Variants in LIPH observed in about 807,000 individuals in gnomAD.
The protein encoded by LIPH is lipase H, also known as lipase member H.
Under a neutral mutation model 47.6 loss-of-function variants are expected in LIPH, and 32 were observed. That is an observed-to-expected ratio of 0.67 (90% CI 0.51 to 0.90). LIPH has a LOEUF of 0.90. LIPH is among the 40% of genes least tolerant of loss of function. The pLI is 0.00. For synonymous variants in LIPH, 190 were observed against 195.6 expected (o/e 0.97, Z 0.24); for missense variants, 497 against 541.4 (o/e 0.92, Z 0.81).
At chr3:185,527,126 A>C (rs1719648) in intron 4 of LIPH, among the ~76,000 whole-genome samples, 152,237 of 152,244 alleles carry the variant, frequency 1, 76,115 homozygotes, top group Middle Eastern at 1. Context: ...ATAATCCCAG[A>C]TACTCGGGAG....
At chr3:185,512,354 A>G (rs777376833) in intron 8 of LIPH, among the ~76,000 whole-genome samples, 64 of 152,296 alleles carry the variant, frequency 4.2e-4, no homozygotes, top group African/African-American at 1.1e-3. Flanking sequence ...GATGTTTTCT[A>G]TAGGTGGAAA....
At position 185,512,188 on chromosome 3, in the gene LIPH, C is replaced by T. The variant is rs182395863; in HGVS notation, c.1095-491G>A. ...GCTGAGTTCAAAGTTATGATCTTTC[C>T]GTTAAACTGCATCCCTAGATGCCTA... On this transcript the variant is annotated intron_variant, in intron 8 of 9. Coordinates refer to ENST00000296252, the MANE Select transcript of LIPH (RefSeq NM_139248.3). 1.3e-3 allele frequency among the ~76,000 whole-genome samples: 199 copies of T among 152,222 alleles called. 1 individual carries two copies. Among genetic ancestry groups the T allele is most frequent in the African/African-American group, 4.1e-3 (170 of 41,530 alleles).
chr3:185,519,809 C>A (rs1409634013), intron 5 of LIPH, among the ~76,000 whole-genome samples: 1 of 128,466 alleles, frequency 7.8e-6, no homozygotes. Context: ...TGCACTCCAG[C>A]CTGGGCAACA....
At chr3:185,516,263 T>C (rs942551134) in intron 7 of LIPH, among the ~76,000 whole-genome samples, 4 of 151,880 alleles carry the variant, frequency 2.6e-5, no homozygotes, top group Non-Finnish European at 5.9e-5. Flanking sequence ...CAAAACCCCG[T>C]CTCTACTAAA....
At chr3:185,528,537 G>T (rs1024041902) in intron 3 of LIPH, among the ~76,000 whole-genome samples, 1 of 152,152 alleles carries the variant, frequency 6.6e-6, no homozygotes, top group African/African-American at 2.4e-5. Flanking sequence ...TGAATGAACT[G>T]TGATTCAGGA....
chr3:185,523,010 ACT>A (rs1340346280), intron 5 of LIPH, among the ~76,000 whole-genome samples: 5 of 152,148 alleles, frequency 3.3e-5, no homozygotes, highest in African/African-American at 1.2e-4. Context: ...AATTTTTATT[ACT>A]CTCTGAAAAT....
At chr3:185,524,195 T>C in intron 4 of LIPH, 35 bp from the exon 5 acceptor site, 1 of 1,290,088 alleles carries the variant, frequency 7.8e-7, no homozygotes, top group South Asian at 1.2e-5. Flanking sequence ...TATACTCCTT[T>C]GAATTTTTCC....
intron 6 of LIPH, among the ~76,000 whole-genome samples, chr3:185,517,809 C>A (rs1719778393): frequency 6.6e-6 from 1 of 152,150 alleles, no homozygotes; most frequent in Non-Finnish European, 1.5e-5. Context: ...CTTGTCTATA[C>A]CATGCCCTGT....
In LIPH at chr3:185,546,382, T is replaced by C. The variant is rs149186263; in HGVS notation, c.49+6041A>G. On this transcript the variant is annotated intron_variant, in intron 1 of 9. Coordinates refer to ENST00000296252, the MANE Select transcript of LIPH (RefSeq NM_139248.3). ...AAAAAAAAAAAAAAAATTCTAAAGCTGGGCATGGTGGTGCAGGCCTATATA... is the reference window on the plus strand; with the variant it reads ...AAAAAAAAAAAAAAAATTCTAAAGCCGGGCATGGTGGTGCAGGCCTATATA... 6.4e-3 allele frequency among the ~76,000 whole-genome samples: 921 copies of C among 143,498 alleles called. 14 individuals are homozygous for C. The highest frequency in any genetic ancestry group is 0.022 in the African/African-American group (848 of 38,774). 94.1% of individuals were successfully genotyped at this position (143,498 alleles called of 152,430 possible).
chr3:185,506,719 G>C lies in LIPH; in HGVS notation c.*2071C>G, dbSNP rs1360534905. ...CATGGTGGGGGCGCCTGTAATCCCA[G>C]CTACTTGGGAGGCTGAGGCAGAGAA... On this transcript the variant is annotated 3_prime_UTR_variant, in exon 10 of 10. Transcript: ENST00000296252. The C allele has an allele frequency of 6.6e-6, 1 of 150,970 alleles. No individual in the cohort carries two copies. Among genetic ancestry groups the C allele is most frequent in the Non-Finnish European group, 1.5e-5 (1 of 67,962 alleles). 9.4% of individuals were successfully genotyped at this position (150,970 alleles called of 1,614,324 possible). A position where few individuals can be genotyped will look rare whatever the true frequency, so the allele number is the denominator to read the frequency against.
At chr3:185,512,790 A>C (rs1390478989) in intron 8 of LIPH, among the ~76,000 whole-genome samples, 2 of 151,990 alleles carry the variant, frequency 1.3e-5, no homozygotes, top group Non-Finnish European at 2.9e-5. Flanking sequence ...AGCCTACCCA[A>C]CATTAATCCT....
At chr3:185,521,159 T>C (rs1002188211) in intron 5 of LIPH, among the ~76,000 whole-genome samples, 1 of 152,164 alleles carries the variant, frequency 6.6e-6, no homozygotes, top group African/African-American at 2.4e-5. Flanking sequence ...TGAGCCACCA[T>C]ACCCGACTGA....
intron 3 of LIPH, among the ~76,000 whole-genome samples, chr3:185,533,247 A>C (rs1720391119): frequency 6.6e-6 from 1 of 152,200 alleles, no homozygotes; most frequent in African/African-American, 2.4e-5. Context: ...CTCCTGGATT[A>C]AATAAAAGGA....
chr3:185,527,203 C>T (rs531346418), intron 4 of LIPH, among the ~76,000 whole-genome samples: 1 of 152,146 alleles, frequency 6.6e-6, no homozygotes, highest in African/African-American at 2.4e-5. Flanking sequence ...TGCGCCACTG[C>T]ACTCCAGCCT....
rs746632816 is a variant in LIPH, at chr3:185,534,926, C to T, written c.256G>A (p.Val86Ile). 9.3e-6 allele frequency: 15 copies of T among 1,613,990 alleles called. No homozygotes were observed. In the Admixed American group the frequency reaches 2.3e-4, roughly 25 times the overall value. The change falls in exon 2 of 10, where the codon GTT becomes ATT. Residue 86 changes from valine to isoleucine, a missense_variant. By Grantham distance (29) the Val-to-Ile change is conservative (BLOSUM62 3). Coordinates refer to ENST00000296252, the MANE Select transcript of LIPH (RefSeq NM_139248.3). Reference sequence around the variant, plus strand: ...CCCTTTACTAAGTCATCCATCCAAACAGGAGGGGAGCCTGTTGGCCTGAAT... The same window carrying T: ...CCCTTTACTAAGTCATCCATCCAAATAGGAGGGGAGCCTGTTGGCCTGAAT... ...HGFRPTGSPP[V>I]WMDDLVKGLL...
At chr3:185,510,346 G>T (rs1004256435) in intron 9 of LIPH, among the ~76,000 whole-genome samples, 142 of 152,266 alleles carry the variant, frequency 9.3e-4, no homozygotes, top group Non-Finnish European at 1.8e-3. Flanking sequence ...GGACTATATG[G>T]TAGACTGGCA....
chr3:185,522,525 G>A (rs777755340), intron 5 of LIPH, among the ~76,000 whole-genome samples: 4 of 149,448 alleles, frequency 2.7e-5, no homozygotes, highest in Non-Finnish European at 4.5e-5. Flanking sequence ...GGAAGGAAGG[G>A]AAAGGAAGGA....
intron 2 of LIPH, among the ~76,000 whole-genome samples, chr3:185,534,505 C>A (rs1057458767): frequency 6.6e-6 from 1 of 152,180 alleles, no homozygotes; most frequent in Admixed American, 6.6e-5. Context: ...GGAAATTTAT[C>A]ATAATAAATA....
At chr3:185,514,288 A>T in intron 8 of LIPH, 122 bp downstream of exon 8, 1 of 692,130 alleles carries the variant, frequency 1.4e-6, no homozygotes, top group Non-Finnish European at 2.7e-6. Context: ...AGTTCCCCTT[A>T]TATCTTTTAT....
Sources: gnomAD v4.1 joint callset for allele counts (sites outside exome capture counted in the v4.1 genomes callset) on GRCh38, gnomAD v4.1.1 for gene constraint, MANE v1.5 for transcripts, NCBI Gene and HGNC (gene_info 2026-07-23, HGNC 2026-07-21) for gene names.